VAV2: variants seen among roughly 807,000 people sequenced by gnomAD.
VAV2 encodes the protein guanine nucleotide exchange factor VAV2.
In VAV2, 67 loss-of-function variants were observed where a neutral mutation model predicts 132.5. That is an observed-to-expected ratio of 0.51 (90% CI 0.42 to 0.62). The LOEUF is 0.62. Among genes scored for constraint, VAV2 ranks in the 20% least tolerant of loss-of-function variants. The pLI, the probability that VAV2 is intolerant of heterozygous loss-of-function variation, is 0.00. For missense variants in VAV2, 938 were observed against 1,153.6 expected, an observed-to-expected ratio of 0.81 and a Z score of 2.71; for synonymous variants, 492 against 443.5, an observed-to-expected ratio of 1.11 and a Z score of -1.37.
At chr9:133,976,437 C>T (rs997274214) in intron 1 of VAV2, among the ~76,000 whole-genome samples, 1 of 152,100 alleles carries the variant, frequency 6.6e-6, no homozygotes, top group Non-Finnish European at 1.5e-5. Flanking sequence ...GAGGAGGAGA[C>T]AGTGAGACCC....
chr9:133,778,710 AG>A, intron 22 of VAV2, 51 bp downstream of exon 22: 1 of 1,601,456 alleles, frequency 6.2e-7, no homozygotes. Flanking sequence ...CCCAGGGAGC[AG>A]GGAGGAGCTG....
At chr9:133,911,594 AC>A (rs1318699129) in intron 2 of VAV2, among the ~76,000 whole-genome samples, 1 of 151,914 alleles carries the variant, frequency 6.6e-6, no homozygotes. Context: ...CCCACTGGTG[AC>A]CCCCCACTGT....
In VAV2 at chr9:133,826,935, C is replaced by T. The variant is rs553603041; in HGVS notation, c.449+7337G>A. Reference sequence around the variant, plus strand: ...CTCGCAAGACGCACTCATCACGGCGCTCTGTGGCACCCAATCCGGGTGCCC... The same window carrying T: ...CTCGCAAGACGCACTCATCACGGCGTTCTGTGGCACCCAATCCGGGTGCCC... On this transcript the variant is annotated intron_variant, in intron 4 of 29. Transcript: ENST00000371850. The surrounding 1 kb of genome is among the most constrained non-coding windows in gnomAD (Gnocchi z 4.2). 1.0e-3 allele frequency among the ~76,000 whole-genome samples: 153 copies of T among 152,290 alleles called. 1 individual carries two copies. Among genetic ancestry groups the T allele is most frequent in the African/African-American group, 2.5e-3 (102 of 41,550 alleles).
intron 3 of VAV2, among the ~76,000 whole-genome samples, chr9:133,851,472 T>C (rs1200464742): frequency 6.6e-6 from 1 of 152,228 alleles, no homozygotes; most frequent in Non-Finnish European, 1.5e-5. Flanking sequence ...CAGCATCTCA[T>C]CAGCACCCGA....
chr9:133,837,953 A>T (rs1413698078), intron 3 of VAV2, among the ~76,000 whole-genome samples: 1 of 152,160 alleles, frequency 6.6e-6, no homozygotes, highest in Admixed American at 6.5e-5. Flanking sequence ...TTGAGAATGG[A>T]GCTGCAAATC....
intron 1 of VAV2, among the ~76,000 whole-genome samples, chr9:133,974,342 C>T (rs72764861): frequency 4.6e-5 from 7 of 152,102 alleles, no homozygotes; most frequent in Admixed American, 6.5e-5. Flanking sequence ...GGTCCCAGAA[C>T]GGCCCACAGT....
intron 4 of VAV2, among the ~76,000 whole-genome samples, chr9:133,830,258 C>T (rs1246553023): frequency 6.6e-6 from 1 of 152,158 alleles, no homozygotes; most frequent in African/African-American, 2.4e-5. Flanking sequence ...AGAACAGGTG[C>T]GTTCTGCTCC....
At chr9:133,801,013 C>A (rs1049681147) in intron 9 of VAV2, among the ~76,000 whole-genome samples, 3 of 152,142 alleles carry the variant, frequency 2.0e-5, no homozygotes, top group African/African-American at 7.2e-5. Context: ...GGAGACTGCC[C>A]CGGGTGACCC....
intron 12 of VAV2, 94 bp downstream of exon 12, chr9:133,795,574 C>A: frequency 6.7e-7 from 1 of 1,494,702 alleles, no homozygotes; most frequent in South Asian, 1.2e-5. Context: ...TGTCCACAGT[C>A]AAAACTGAGG....
chr9:133,976,409 C>T (rs947318724), intron 1 of VAV2, among the ~76,000 whole-genome samples: 1 of 151,152 alleles, frequency 6.6e-6, no homozygotes, highest in African/African-American at 2.4e-5. Context: ...CCTGCCTCTC[C>T]TGGCCTCACC....
At position 133,928,030 on chromosome 9, in the gene VAV2, A is replaced by G. The variant is rs997011046; in HGVS notation, c.321+11073T>C. On this transcript the variant is annotated intron_variant, in intron 2 of 29. Transcript: ENST00000371850. The surrounding 1 kb of genome is among the most constrained non-coding windows in gnomAD (Gnocchi z 5.4). ...TCAGACCTGTAGGGACTCGGCTACC[A>G]AAATTGAACCACCCTCCACCCTTGT... is the stretch of plus-strand genomic sequence containing the variant. 2 of 152,110 alleles carry G rather than the reference A, an allele frequency of 1.3e-5. No individual in the cohort carries two copies. Among genetic ancestry groups the G allele is most frequent in the Non-Finnish European group, 2.9e-5 (2 of 68,040 alleles). 9.4% of individuals were successfully genotyped at this position (152,110 alleles called of 1,614,324 possible).
At chr9:133,905,246 C>A (rs1030538387) in intron 2 of VAV2, among the ~76,000 whole-genome samples, 5 of 146,212 alleles carry the variant, frequency 3.4e-5, no homozygotes, top group Non-Finnish European at 7.5e-5. Flanking sequence ...CTGGCCAACA[C>A]GGTGAAACCC....
intron 2 of VAV2, among the ~76,000 whole-genome samples, chr9:133,868,504 G>A (rs1837896889): frequency 6.6e-6 from 1 of 152,212 alleles, no homozygotes; most frequent in Non-Finnish European, 1.5e-5. Flanking sequence ...ACGGAGCCTG[G>A]CCCAAAGCAG....
chr9:133,835,728 G>GC (rs1836445463), intron 3 of VAV2, among the ~76,000 whole-genome samples: 1 of 152,182 alleles, frequency 6.6e-6, no homozygotes, highest in Admixed American at 6.5e-5. Flanking sequence ...CGTCCCGGCA[G>GC]CCCCGCCCCA....
chr9:133,882,903 C>T (rs1484664455), intron 2 of VAV2, among the ~76,000 whole-genome samples: 2 of 152,144 alleles, frequency 1.3e-5, no homozygotes, highest in African/African-American at 4.8e-5. Context: ...CCCAGGAGGA[C>T]AAGAGGGACT....
At chr9:133,864,430 T>C (rs892747938) in intron 2 of VAV2, among the ~76,000 whole-genome samples, 1 of 152,196 alleles carries the variant, frequency 6.6e-6, no homozygotes, top group African/African-American at 2.4e-5. Flanking sequence ...AGGTGGGGAC[T>C]GGAGAGCTCA....
chr9:133,782,125 A>G (rs1427662904), intron 19 of VAV2, among the ~76,000 whole-genome samples: 1 of 152,164 alleles, frequency 6.6e-6, no homozygotes, highest in Non-Finnish European at 1.5e-5. Flanking sequence ...GGAGGAACAG[A>G]AAGATTACAA....
chr9:133,907,211 C>G (rs1214808720), intron 2 of VAV2, among the ~76,000 whole-genome samples: 2 of 152,236 alleles, frequency 1.3e-5, no homozygotes, highest in African/African-American at 4.8e-5. Flanking sequence ...GGCCCCAGCA[C>G]CTCAAATTCA....
chr9:133,982,241 G>A lies in VAV2; in HGVS notation c.204+9834C>T, dbSNP rs367918438. Among the ~76,000 whole-genome samples the A allele has an allele frequency of 6.4e-4, 97 of 151,674 alleles. 2 individuals are homozygous for A. The East Asian group carries it at 0.014, about 21-fold the overall frequency. ...GTGTGCCTGAGGCTGGGGCACCGAA[G>A]GCCAGGGAGACTCGGCAGGGGCGAC... On this transcript the variant is annotated intron_variant, in intron 1 of 29. Transcript: ENST00000371850.
Sources: gnomAD v4.1 joint callset for allele counts (sites outside exome capture counted in the v4.1 genomes callset) on GRCh38, gnomAD v4.1.1 for gene constraint, Gnocchi (gnomAD v3.1) non-coding constraint, MANE v1.5 for transcripts, NCBI Gene and HGNC (gene_info 2026-07-23, HGNC 2026-07-21) for gene names.